Variants in ALPK1 observed in about 807,000 individuals in gnomAD.
ALPK1 encodes alpha kinase 1.
Under a neutral mutation model 120.6 loss-of-function variants are expected in ALPK1, and 110 were observed. The ratio of observed to expected loss-of-function variants is 0.91; its 90% CI spans 0.78 to 1.07. The LOEUF is 1.07. Among genes scored for constraint, ALPK1 ranks in the 50% least tolerant of loss-of-function variants. ALPK1 has a pLI of 0.00. For synonymous variants in ALPK1, 582 were observed against 560.3 expected (o/e 1.04, Z -0.55); for missense variants, 1,498 against 1,483.9 (o/e 1.01, Z -0.16).
chr4:112,360,461 G>A (rs769091183), intron 2 of ALPK1, among the ~76,000 whole-genome samples: 2 of 151,892 alleles, frequency 1.3e-5, no homozygotes, highest in African/African-American at 4.8e-5. Context: ...TTTTGTGTGT[G>A]TATGGAAATT....
chr4:112,423,693 A>G (rs1578561187), intron 5 of ALPK1: 1 of 619,958 alleles, frequency 1.6e-6, no homozygotes, highest in South Asian at 1.5e-5. Context: ...TGAATGAATT[A>G]TCACATACAT....
At chr4:112,377,980 C>A in intron 3 of ALPK1, 82 bp downstream of exon 3, 1 of 1,421,722 alleles carries the variant, frequency 7.0e-7, no homozygotes, top group Non-Finnish European at 9.3e-7. Context: ...GTTCTTATCT[C>A]TGCCCTATTT....
intron 2 of ALPK1, among the ~76,000 whole-genome samples, chr4:112,343,747 C>T (rs1407105334): frequency 8.0e-6 from 1 of 124,460 alleles, no homozygotes; most frequent in Non-Finnish European, 1.6e-5. Context: ...CCACCCTTTC[C>T]CCCCCTTCTC....
chr4:112,384,199 A>G (rs1198316052), intron 4 of ALPK1: 1 of 152,230 alleles, frequency 6.6e-6, no homozygotes, highest in Non-Finnish European at 1.5e-5. Flanking sequence ...TGTGACTTAC[A>G]GCCTTCTCCT....
At chr4:112,314,983 T>C (rs1177648912) in intron 1 of ALPK1, among the ~76,000 whole-genome samples, 1 of 148,266 alleles carries the variant, frequency 6.7e-6, no homozygotes, top group Non-Finnish European at 1.5e-5. Context: ...TGGATTCAAA[T>C]GATTCTCCTG....
intron 1 of ALPK1, among the ~76,000 whole-genome samples, chr4:112,310,064 T>G (rs1728325124): frequency 6.6e-6 from 1 of 152,086 alleles, no homozygotes; most frequent in Non-Finnish European, 1.5e-5. Context: ...CCTAGCCCAA[T>G]GCATGACACA....
intron 4 of ALPK1, among the ~76,000 whole-genome samples, chr4:112,400,592 G>C (rs1380538252): frequency 2.0e-5 from 3 of 152,158 alleles, no homozygotes; most frequent in Non-Finnish European, 4.4e-5. Context: ...CACTTGCTTA[G>C]GTAGAAGCTC....
At chr4:112,328,900 G>A (rs980723795) in intron 2 of ALPK1, among the ~76,000 whole-genome samples, 11 of 152,078 alleles carry the variant, frequency 7.2e-5, no homozygotes, top group Non-Finnish European at 5.9e-5. Context: ...TATAAAGCAG[G>A]GTCATTATCC....
At chr4:112,412,175 G>A (rs1733511389) in intron 5 of ALPK1, 150 bp downstream of exon 5, 1 of 925,064 alleles carries the variant, frequency 1.1e-6, no homozygotes, top group African/African-American at 1.6e-5. Context: ...CCGCCCCTGT[G>A]CCCTTCCACC....
At chr4:112,319,004 G>T (rs751842437) in intron 2 of ALPK1, among the ~76,000 whole-genome samples, 2 of 152,202 alleles carry the variant, frequency 1.3e-5, no homozygotes, top group African/African-American at 4.8e-5. Flanking sequence ...AGGCAACAAT[G>T]AGCCAGGAGT....
In ALPK1 at chr4:112,364,563, G is replaced by A. The variant is rs12331882; in HGVS notation, c.-100-13115G>A. 3.5e-3 allele frequency among the ~76,000 whole-genome samples: 536 copies of A among 151,902 alleles called. 1 individual carries two copies. The highest frequency in any genetic ancestry group is 0.012 in the African/African-American group (513 of 41,504). ...AATAACAAGCAGTGAGATTGAAATG[G>A]TAATTACCCCAAAAAATAAAAGTCC... On this transcript the variant is annotated intron_variant, in intron 2 of 15. Coordinates refer to ENST00000650871, the MANE Select transcript of ALPK1 (RefSeq NM_025144.4).
intron 11 of ALPK1, 104 bp downstream of exon 11, chr4:112,432,685 A>AGCTTTGTG: frequency 8.9e-7 from 1 of 1,127,376 alleles, no homozygotes; most frequent in Non-Finnish European, 1.3e-6. Context: ...AAAGGTATAG[A>AGCTTTGTG]ACCCTGGTAT....
chr4:112,327,148 G>A (rs1191083968), intron 2 of ALPK1, among the ~76,000 whole-genome samples: 1 of 152,196 alleles, frequency 6.6e-6, no homozygotes, highest in Non-Finnish European at 1.5e-5. Flanking sequence ...AATATTCAGA[G>A]ACAGTGTGGT....
At chr4:112,302,470 C>T (rs1727831815) in intron 1 of ALPK1, 1 of 152,506 alleles carries the variant, frequency 6.6e-6, no homozygotes, top group Non-Finnish European at 1.5e-5. Flanking sequence ...ACTTCTTACT[C>T]TCAGCCCAAA....
Position 112,431,588 on chromosome 4 carries a change from G to A in ALPK1, c.2041G>A (p.Gly681Ser). The part of the protein sequence containing the change: ...LTPFSPHNTP[G>S]IFLAPGAGLL... ...ACCCTTCTCGCCTCATAATACCCCA[G>A]GCATTTTCTTGGCCCCTGGTGCAGG... The change falls in exon 11 of 16, where the codon GGC becomes AGC. Residue 681 changes from glycine (G) to serine (S), a missense_variant. Transcript: ENST00000650871. The A allele has an allele frequency of 1.2e-6, 2 of 1,614,142 alleles. No individual in the cohort carries two copies. Among genetic ancestry groups the A allele is most frequent in the Non-Finnish European group, 1.7e-6 (2 of 1,180,042 alleles).
intron 1 of ALPK1, among the ~76,000 whole-genome samples, chr4:112,306,166 G>A (rs1166793861): frequency 6.6e-6 from 1 of 151,998 alleles, no homozygotes; most frequent in African/African-American, 2.4e-5. Context: ...TTTTATTGAG[G>A]ATTTTTGCAT....
intron 10 of ALPK1, 33 bp downstream of exon 10, chr4:112,429,286 C>G: frequency 6.5e-7 from 1 of 1,539,672 alleles, no homozygotes; most frequent in Non-Finnish European, 8.9e-7. Flanking sequence ...CAAACCCCCA[C>G]AGGACCTCTC....
intron 2 of ALPK1, chr4:112,358,594 G>C: frequency 2.8e-6 from 2 of 722,078 alleles, no homozygotes; most frequent in Non-Finnish European, 4.9e-6. Context: ...GGGGGCTGCT[G>C]GCCGCCCTGG....
chr4:112,348,586 T>C (rs1301910975), intron 2 of ALPK1, among the ~76,000 whole-genome samples: 2 of 152,246 alleles, frequency 1.3e-5, no homozygotes, highest in African/African-American at 4.8e-5. Flanking sequence ...TGTGGGTGTT[T>C]GCTGTCTTTG....
Sources: allele counts gnomAD v4.1 joint callset (sites outside exome capture counted in the v4.1 genomes callset), GRCh38; gene constraint gnomAD v4.1.1; transcripts MANE v1.5; gene names NCBI Gene and HGNC (gene_info 2026-07-23, HGNC 2026-07-21).